The following WDFY3 variants were observed in gnomAD, a reference collection of about 807,000 sequenced individuals.
The protein encoded by WDFY3 is WD repeat and FYVE domain containing 3.
In WDFY3, 66 loss-of-function variants were observed where a neutral mutation model predicts 409.6. That is an observed-to-expected ratio of 0.16 (90% CI 0.13 to 0.20). The LOEUF is 0.20. Ranked by LOEUF, WDFY3 falls within the 10% of genes least tolerant of loss-of-function variation. WDFY3 has a pLI of 1.00. For missense variants in WDFY3, 3,031 were observed against 4,298.1 expected, an observed-to-expected ratio of 0.71 and a Z score of 8.24; for synonymous variants, 1,521 against 1,537.1, an observed-to-expected ratio of 0.99 and a Z score of 0.25.
At chr4:84,806,950 T>G (rs886700424) in intron 15 of WDFY3, among the ~76,000 whole-genome samples, 1 of 152,176 alleles carries the variant, frequency 6.6e-6, no homozygotes, top group Non-Finnish European at 1.5e-5. Flanking sequence ...CTGTGTATTT[T>G]TATTTTGTGG....
intron 11 of WDFY3, among the ~76,000 whole-genome samples, chr4:84,820,602 C>T (rs1303749682): frequency 6.6e-6 from 1 of 151,984 alleles, no homozygotes; most frequent in African/African-American, 2.4e-5. Flanking sequence ...CCAGATACTA[C>T]TGTACTTTTA....
At chr4:84,816,125 G>C (rs1196371489) in intron 13 of WDFY3, among the ~76,000 whole-genome samples, 3 of 151,856 alleles carry the variant, frequency 2.0e-5, no homozygotes, top group African/African-American at 7.3e-5. Flanking sequence ...CTCTGCCCTC[G>C]TCCTGGAATC....
intron 4 of WDFY3, among the ~76,000 whole-genome samples, chr4:84,857,766 C>T (rs1560938155): frequency 6.6e-6 from 1 of 152,110 alleles, no homozygotes; most frequent in African/African-American, 2.4e-5. Context: ...ATAATCTATC[C>T]TATTATTTCA....
intron 52 of WDFY3, 85 bp downstream of exon 52, chr4:84,709,208 T>A: frequency 7.0e-7 from 1 of 1,432,944 alleles, no homozygotes; most frequent in Non-Finnish European, 9.6e-7. Context: ...GTATATATTT[T>A]ATGGATAATT....
At position 84,821,325 on chromosome 4, in the gene WDFY3, A is replaced by C. The variant is rs1754021995; in HGVS notation, c.1350T>G (p.Phe450Leu). The C allele has an allele frequency of 6.2e-7, 1 of 1,613,840 alleles. No individual in the cohort carries two copies. The highest frequency in any genetic ancestry group is 8.5e-7 in the Non-Finnish European group (1 of 1,179,866). The change falls in exon 11 of 68, where the codon TTT (phenylalanine) becomes TTG (leucine). Residue 450 changes from phenylalanine (F) to leucine (L), a missense_variant. Transcript: ENST00000295888. ...VQNKYFEMLE[F>L]VVFSLNYIPC... The stretch of plus-strand genomic sequence containing the variant: ...GTATATAATTTAAGCTAAAAACAAC[A>C]AACTCCAGCATCTCAAAGTATTTGT...
At chr4:84,813,859 A>G (rs780096129) in intron 13 of WDFY3, among the ~76,000 whole-genome samples, 1 of 152,228 alleles carries the variant, frequency 6.6e-6, no homozygotes, top group Non-Finnish European at 1.5e-5. Context: ...ATGTTCTTCA[A>G]ATATCGACAC....
intron 61 of WDFY3, 116 bp from the exon 62 acceptor site, chr4:84,688,381 T>C: frequency 2.9e-6 from 3 of 1,038,520 alleles, no homozygotes; most frequent in Non-Finnish European, 4.2e-6. Context: ...AGGTAGTAGG[T>C]GACTTGAGCA....
chr4:84,786,384 A>G (rs1255122753), intron 23 of WDFY3, among the ~76,000 whole-genome samples: 1 of 152,214 alleles, frequency 6.6e-6, no homozygotes, highest in African/African-American at 2.4e-5. Flanking sequence ...AACATATAGC[A>G]CAACGTAAAG....
In WDFY3 at chr4:84,708,921, A is replaced by C. The variant is rs764330385; in HGVS notation, c.8205T>G (p.Asp2735Glu). The part of the protein sequence containing the change: ...QYPVFPWILA[D>E]YDSEEVDLTN... ...ACTTAAGATTTACCTCTGAGTCATAATCTGCAAGGATCCAGGGGAAGACAG... is the reference window on the plus strand; with the variant it reads ...ACTTAAGATTTACCTCTGAGTCATACTCTGCAAGGATCCAGGGGAAGACAG... Residue 2735 changes from aspartate to glutamate, a missense_variant, in exon 53 of 68, where the codon GAT becomes GAG. Around this residue, in one of 16 missense-constraint regions of WDFY3, gnomAD observed 129 missense variants for 305.3 expected, o/e 0.42. Coordinates refer to ENST00000295888, the MANE Select transcript of WDFY3 (RefSeq NM_014991.6). 4 of 1,613,832 alleles carry C rather than the reference A, an allele frequency of 2.5e-6. No homozygotes were observed. The highest frequency in any genetic ancestry group is 3.4e-6 in the Non-Finnish European group (4 of 1,179,858).
chr4:84,694,335 A>T (rs1217614266), intron 58 of WDFY3, among the ~76,000 whole-genome samples: 1 of 152,142 alleles, frequency 6.6e-6, no homozygotes, highest in Non-Finnish European at 1.5e-5. Flanking sequence ...TGACCATAAA[A>T]CCTACATTTC....
At chr4:84,850,332 T>TGG (rs1553988899) in intron 4 of WDFY3, among the ~76,000 whole-genome samples, 1 of 150,990 alleles carries the variant, frequency 6.6e-6, no homozygotes, top group African/African-American at 2.4e-5. Context: ...TCTTTTTTTT[T>TGG]GGGGGGGACA....
Position 84,789,245 on chromosome 4 carries a change from T to C in WDFY3, c.3669+481A>G, listed in dbSNP as rs555469664. 2.6e-5 allele frequency among the ~76,000 whole-genome samples: 4 copies of C among 152,272 alleles called. No individual in the cohort carries two copies. In the East Asian group the frequency reaches 5.8e-4, roughly 22 times the overall value. On this transcript the variant is annotated intron_variant, in intron 22 of 67. Transcript: ENST00000295888. ...ATCTACAGTAATGTTTATGTAGTCA[T>C]TCATTCAAGAAACAATAAACTAAAT...
intron 64 of WDFY3, among the ~76,000 whole-genome samples, chr4:84,681,256 A>G (rs1244604742): frequency 1.3e-5 from 2 of 152,168 alleles, no homozygotes; most frequent in African/African-American, 4.8e-5. Flanking sequence ...GACCCCTTCT[A>G]TCTCACTCAT....
chr4:84,855,527 T>G (rs1036916864), intron 4 of WDFY3, among the ~76,000 whole-genome samples: 2 of 152,184 alleles, frequency 1.3e-5, no homozygotes, highest in Non-Finnish European at 2.9e-5. Flanking sequence ...TCATAAAGGC[T>G]CAATATAAAC....
chr4:84,928,686 C>A (rs930271403), intron 2 of WDFY3, among the ~76,000 whole-genome samples: 2 of 151,994 alleles, frequency 1.3e-5, no homozygotes, highest in African/African-American at 4.8e-5. Flanking sequence ...CTTTATAATA[C>A]CTTAGTTGTT....
chr4:84,677,505 G>C (rs1726504511), intron 66 of WDFY3, 109 bp from the exon 67 acceptor site: 2 of 1,045,708 alleles, frequency 1.9e-6, no homozygotes, highest in East Asian at 2.7e-5. Context: ...GGGCTGGTAA[G>C]GGTCCTGGAG....
chr4:84,857,737 C>A (rs972597671), intron 4 of WDFY3, among the ~76,000 whole-genome samples: 3 of 152,110 alleles, frequency 2.0e-5, no homozygotes, highest in African/African-American at 7.2e-5. Context: ...CCATCTCCTC[C>A]CTCTATCATT....
At chr4:84,696,293 A>C in intron 57 of WDFY3, 111 bp from the exon 58 acceptor site, 2 of 985,308 alleles carry the variant, frequency 2.0e-6, no homozygotes, top group Non-Finnish European at 1.5e-6. Flanking sequence ...AAAATCATAA[A>C]AACAACATAG....
intron 27 of WDFY3, among the ~76,000 whole-genome samples, chr4:84,777,583 T>C (rs916316025): frequency 1.3e-5 from 2 of 152,054 alleles, no homozygotes; most frequent in Non-Finnish European, 2.9e-5. Flanking sequence ...AAGCTTCTAG[T>C]AAGCTTTGAA....
Sources: allele counts gnomAD v4.1 joint callset (sites outside exome capture counted in the v4.1 genomes callset), GRCh38; gene constraint gnomAD v4.1.1; regional missense constraint gnomAD v4.1.1; transcripts MANE v1.5; gene names NCBI Gene and HGNC (gene_info 2026-07-23, HGNC 2026-07-21).